BMPER: variants seen among roughly 807,000 people sequenced by gnomAD.
BMPER encodes BMP binding endothelial regulator, also known as BMP-binding endothelial regulator protein.
A neutral mutation model predicts 87.3 loss-of-function variants in BMPER; 45 were observed. The observed-to-expected ratio is 0.52, with a 90% CI of 0.41 to 0.66. The LOEUF (loss-of-function observed/expected upper bound fraction) is 0.66. Ranked by LOEUF, BMPER falls within the 30% of genes least tolerant of loss-of-function variation. The pLI is 0.00. For synonymous variants in BMPER, 326 were observed against 316.2 expected, an observed-to-expected ratio of 1.03 and a Z score of -0.33; for missense variants, 784 against 867.5, an observed-to-expected ratio of 0.90 and a Z score of 1.21.
At chr7:34,087,021 A>AATTACCACCAGTTT (rs1183347885) in intron 13 of BMPER, among the ~76,000 whole-genome samples, 1 of 152,162 alleles carries the variant, frequency 6.6e-6, no homozygotes, top group African/African-American at 2.4e-5. Context: ...TTTACTCTTT[A>AATTACCACCAGTTT]ATTACCACCA....
intron 11 of BMPER, 50 bp downstream of exon 11, chr7:34,062,097 A>G: frequency 1.3e-6 from 2 of 1,529,558 alleles, no homozygotes; most frequent in Non-Finnish European, 1.8e-6. Flanking sequence ...TTTGCATTTT[A>G]TAGTGCAACA....
At chr7:34,130,317 A>G (rs1361508170) in intron 13 of BMPER, among the ~76,000 whole-genome samples, 1 of 152,068 alleles carries the variant, frequency 6.6e-6, no homozygotes. Flanking sequence ...TCCACCTGCA[A>G]TACACTTCAG....
chr7:33,977,581 T>C (rs1785720800), intron 6 of BMPER, among the ~76,000 whole-genome samples: 1 of 152,210 alleles, frequency 6.6e-6, no homozygotes, highest in Non-Finnish European at 1.5e-5. Flanking sequence ...AATGTTAGGC[T>C]GCAGCTTCCC....
chr7:34,148,534 T>A (rs1189495789), intron 14 of BMPER, among the ~76,000 whole-genome samples: 1 of 152,104 alleles, frequency 6.6e-6, no homozygotes, highest in Non-Finnish European at 1.5e-5. Flanking sequence ...ACTCAGCAGA[T>A]GTTTATTGAT....
chr7:34,094,935 T>A (rs1789489801), intron 13 of BMPER, among the ~76,000 whole-genome samples: 1 of 152,198 alleles, frequency 6.6e-6, no homozygotes, highest in Non-Finnish European at 1.5e-5. Context: ...TTGAAGAGGT[T>A]TTCTTCTTTA....
intron 3 of BMPER, among the ~76,000 whole-genome samples, chr7:33,961,690 T>C (rs1785275165): frequency 6.6e-6 from 1 of 152,146 alleles, no homozygotes; most frequent in African/African-American, 2.4e-5. Context: ...TGAGTGTCTT[T>C]TGCTTGGGCC....
intron 11 of BMPER, among the ~76,000 whole-genome samples, chr7:34,062,664 A>G (rs1788466422): frequency 6.6e-6 from 1 of 152,232 alleles, no homozygotes; most frequent in South Asian, 2.1e-4. Flanking sequence ...GTGCACTTAC[A>G]CAAACCTAGA....
At chr7:34,024,679 GATGGATT>G (rs1255742830) in intron 6 of BMPER, among the ~76,000 whole-genome samples, 1 of 151,520 alleles carries the variant, frequency 6.6e-6, no homozygotes, top group Non-Finnish European at 1.5e-5. Context: ...TAGTGGTAGA[GATGGATT>G]ATTTTAGCTC....
intron 13 of BMPER, among the ~76,000 whole-genome samples, chr7:34,095,444 G>A (rs1384462478): frequency 6.6e-6 from 1 of 152,208 alleles, no homozygotes; most frequent in Non-Finnish European, 1.5e-5. Flanking sequence ...CCCTTGAAAG[G>A]GGAAGGGACT....
At chr7:34,002,368 C>T (rs1046984569) in intron 6 of BMPER, among the ~76,000 whole-genome samples, 1 of 151,444 alleles carries the variant, frequency 6.6e-6, no homozygotes, top group African/African-American at 2.4e-5. Flanking sequence ...TGATTTTGCC[C>T]AACTGTAGGC....
intron 13 of BMPER, among the ~76,000 whole-genome samples, chr7:34,126,801 A>G (rs998243492): frequency 1.3e-5 from 2 of 152,194 alleles, no homozygotes; most frequent in African/African-American, 2.4e-5. Flanking sequence ...CCAGTATTAT[A>G]TAGACATAAT....
At chr7:34,035,285 T>C (rs1448318063) in intron 6 of BMPER, among the ~76,000 whole-genome samples, 1 of 152,186 alleles carries the variant, frequency 6.6e-6, no homozygotes, top group Non-Finnish European at 1.5e-5. Flanking sequence ...TGCCACCTGA[T>C]ACAAATTAGA....
intron 13 of BMPER, among the ~76,000 whole-genome samples, chr7:34,115,350 C>T (rs1196573578): frequency 1.3e-5 from 2 of 152,172 alleles, no homozygotes; most frequent in African/African-American, 4.8e-5. Context: ...ATATAGTTCA[C>T]ACACATATAT....
intron 2 of BMPER, among the ~76,000 whole-genome samples, chr7:33,916,460 A>T (rs1585632159): frequency 1.3e-5 from 2 of 152,186 alleles, no homozygotes; most frequent in African/African-American, 4.8e-5. Context: ...AAAGAGTGTG[A>T]TGTGGCCAGC....
intron 6 of BMPER, among the ~76,000 whole-genome samples, chr7:33,982,008 A>G (rs1246335824): frequency 1.3e-5 from 2 of 152,196 alleles, no homozygotes; most frequent in East Asian, 3.9e-4. Flanking sequence ...AGGAGAATCC[A>G]CTATCCTCAG....
chr7:34,054,748 C>T (rs117000959), intron 8 of BMPER, among the ~76,000 whole-genome samples: 363 of 152,280 alleles, frequency 2.4e-3, no homozygotes, highest in Non-Finnish European at 4.0e-3. Context: ...CATGCCTTTA[C>T]GTTAAGTTCC....
chr7:34,031,968 A>G (rs1256978025), intron 6 of BMPER, among the ~76,000 whole-genome samples: 3 of 136,550 alleles, frequency 2.2e-5, no homozygotes, highest in East Asian at 4.2e-4. Context: ...ACACATATAT[A>G]TAAATATATC....
At chr7:33,942,717 T>A (rs961586592) in intron 3 of BMPER, among the ~76,000 whole-genome samples, 2 of 152,136 alleles carry the variant, frequency 1.3e-5, no homozygotes, top group Non-Finnish European at 2.9e-5. Context: ...AAATCAAGCA[T>A]GAGACCATGT....
At chr7:34,019,228 G>A (rs1787117215) in intron 6 of BMPER, among the ~76,000 whole-genome samples, 1 of 151,976 alleles carries the variant, frequency 6.6e-6, no homozygotes, top group Admixed American at 6.6e-5. Flanking sequence ...CTTCCAAACA[G>A]TTTGCATACA....
Sources: allele counts gnomAD v4.1 joint callset (sites outside exome capture counted in the v4.1 genomes callset), GRCh38; gene constraint gnomAD v4.1.1; transcripts MANE v1.5; gene names NCBI Gene and HGNC (gene_info 2026-07-23, HGNC 2026-07-21).